The following ADAMTS8 variants were observed in gnomAD, a reference collection of about 807,000 sequenced individuals.
ADAMTS8 encodes the protein A disintegrin and metalloproteinase with thrombospondin motifs 8.
ADAMTS8 carries 50 observed loss-of-function variants against 64.4 expected under a neutral mutation model. That is an observed-to-expected ratio of 0.78 (90% CI 0.62 to 0.98). ADAMTS8 has a LOEUF of 0.98. ADAMTS8 is among the 50% of genes least tolerant of loss of function. ADAMTS8 has a pLI of 0.00. For synonymous variants in ADAMTS8, 556 were observed against 533.6 expected (o/e 1.04, Z -0.58); for missense variants, 1,192 against 1,208.2 (o/e 0.99, Z 0.20).
chr11:130,425,891 G>A (rs568839808), intron 1 of ADAMTS8, among the ~76,000 whole-genome samples: 14 of 152,208 alleles, frequency 9.2e-5, no homozygotes, highest in Admixed American at 2.0e-4. Context: ...TTGAGCCACC[G>A]TGCCCGGCCA....
rs925584482 is a variant in ADAMTS8 at position 130,425,607 on chromosome 11, T to C, written c.720+1960A>G. ...TTTTTTGTGTTTTTCTTTTTTCTTT[T>C]TTTTTTTTTTTAAGATGGAGTCTTG... On this transcript the variant is annotated intron_variant, in intron 1 of 8. Coordinates refer to ENST00000257359, the MANE Select transcript of ADAMTS8 (RefSeq NM_007037.6). 9.3e-5 allele frequency among the ~76,000 whole-genome samples: 14 copies of C among 151,008 alleles called. No homozygotes were observed. The East Asian group carries it at 1.4e-3, about 15-fold the overall frequency.
intron 2 of ADAMTS8, among the ~76,000 whole-genome samples, chr11:130,418,112 C>G (rs1359792760): frequency 1.3e-5 from 2 of 151,632 alleles, no homozygotes; most frequent in Non-Finnish European, 2.9e-5. Flanking sequence ...ACCTAGCAGG[C>G]AGAGGCTGCA....
chr11:130,420,620 C>T (rs1862087336), intron 1 of ADAMTS8, among the ~76,000 whole-genome samples: 1 of 152,074 alleles, frequency 6.6e-6, no homozygotes, highest in Non-Finnish European at 1.5e-5. Flanking sequence ...TCGGGTGAGG[C>T]CATGTGTGGG....
chr11:130,422,116 G>A (rs1045305916), intron 1 of ADAMTS8, among the ~76,000 whole-genome samples: 6 of 152,100 alleles, frequency 3.9e-5, no homozygotes, highest in Non-Finnish European at 7.4e-5. Flanking sequence ...GAGTCTGCTC[G>A]TGCATGAGTG....
intron 8 of ADAMTS8, among the ~76,000 whole-genome samples, chr11:130,407,032 T>C (rs1173153753): frequency 2.0e-5 from 3 of 152,138 alleles, no homozygotes; most frequent in African/African-American, 4.8e-5. Flanking sequence ...ATCTGAATAG[T>C]GTCTGCTTCT....
intron 1 of ADAMTS8, 31 bp downstream of exon 1, chr11:130,427,536 C>T: frequency 6.6e-7 from 1 of 1,518,646 alleles, no homozygotes; most frequent in Non-Finnish European, 8.8e-7. Flanking sequence ...GGCCTCCGGG[C>T]ACGGCGGCTG....
chr11:130,418,969 G>A, intron 2 of ADAMTS8, 84 bp downstream of exon 2: 3 of 1,586,244 alleles, frequency 1.9e-6, no homozygotes, highest in Non-Finnish European at 2.6e-6. Context: ...CGTTTCCCAT[G>A]TTTGGGCAGG....
At position 130,419,097 on chromosome 11, in the gene ADAMTS8, G is replaced by C; in HGVS notation, c.916C>G (p.Arg306Gly). Reference sequence around the variant, plus strand: ...GCCGTGTCGTAGTGCTCTGGGTGGCGGTCGCTGGGCTGGTTGAAACGCCGC... The same window carrying C: ...GCCGTGTCGTAGTGCTCTGGGTGGCCGTCGCTGGGCTGGTTGAAACGCCGC... Reference protein sequence around the residue: ...WQRRFNQPSDRHPEHYDTAIL... With the variant: ...WQRRFNQPSDGHPEHYDTAIL... The change falls in exon 2 of 9, where the codon CGC (arginine) becomes GGC (glycine). Residue 306 changes from arginine (R) to glycine (G), a missense_variant. By Grantham distance (125) the Arg-to-Gly change is moderately radical (BLOSUM62 -2). This residue lies in a region of ADAMTS8 where 741 missense variants were observed against 710.6 expected (regional missense o/e 1.04). Coordinates refer to ENST00000257359, the MANE Select transcript of ADAMTS8 (RefSeq NM_007037.6). The C allele has an allele frequency of 1.2e-6, 2 of 1,614,154 alleles. No individual in the cohort carries two copies. The highest frequency in any genetic ancestry group is 1.7e-6 in the Non-Finnish European group (2 of 1,180,042).
At chr11:130,407,079 G>A (rs923342824) in intron 8 of ADAMTS8, among the ~76,000 whole-genome samples, 1 of 152,178 alleles carries the variant, frequency 6.6e-6, no homozygotes, top group African/African-American at 2.4e-5. Flanking sequence ...TGTAAAAAGA[G>A]TTCCAAGGCA....
In ADAMTS8 at chr11:130,416,672, G is replaced by C. The variant is rs1159800107; in HGVS notation, c.1096+268C>G. On this transcript the variant is annotated intron_variant, in intron 3 of 8. Coordinates refer to ENST00000257359, the MANE Select transcript of ADAMTS8 (RefSeq NM_007037.6). The surrounding 1 kb of genome is among the most constrained non-coding windows in gnomAD (Gnocchi z 4.8). ...ACGCCTCCACCCCAGCACGTGTCTG[G>C]TGTCCTGTGTCCTGGCATTTGCCCG... Among the ~76,000 whole-genome samples, 1 of 152,194 alleles carries C rather than the reference G, an allele frequency of 6.6e-6. No homozygotes were observed. Among genetic ancestry groups the C allele is most frequent in the Admixed American group, 6.5e-5 (1 of 15,282 alleles).
chr11:130,416,991 C>T lies in ADAMTS8; in HGVS notation c.1045G>A (p.Val349Met), dbSNP rs371018503. 4.8e-5 allele frequency: 78 copies of T among 1,613,982 alleles called. No homozygotes were observed. Among genetic ancestry groups the T allele is most frequent in the Admixed American group, 1.0e-4 (6 of 60,008 alleles). Residue 349 changes from valine to methionine, a missense_variant, in exon 3 of 9, where the codon GTG becomes ATG. Physicochemically the swap from Val to Met is conservative, Grantham distance 21. Transcript: ENST00000257359. The surrounding 1 kb of genome is among the most constrained non-coding windows in gnomAD (Gnocchi z 4.8). ...TICDPNKSCS[V>M]IEDEGLQAAH... ...GCCTGGAGCCCCTCATCCTCGATCACGGAGCAGCTTTTGTTGGGGTCACAA... is the reference window on the plus strand; with the variant it reads ...GCCTGGAGCCCCTCATCCTCGATCATGGAGCAGCTTTTGTTGGGGTCACAA...
chr11:130,411,439 G>A lies in ADAMTS8; in HGVS notation c.1728C>T (p.His576=). Residue 576 remains histidine, a synonymous_variant, in exon 6 of 9, where the codon CAC becomes CAT. Transcript: ENST00000257359. The surrounding 1 kb of genome is among the most constrained non-coding windows in gnomAD (Gnocchi z 4.2). ...LGRRAKYQSC[H]TEECPPDGKS... is the part of the protein sequence containing the mutation. ...TACCGTCAGGGGGGCATTCCTCCGTGTGGCATGACTGGTACTTGGCTCTCC... is the reference window on the plus strand; with the variant it reads ...TACCGTCAGGGGGGCATTCCTCCGTATGGCATGACTGGTACTTGGCTCTCC... The A allele has an allele frequency of 6.2e-7, 1 of 1,614,130 alleles. No individual in the cohort carries two copies.
Position 130,405,508 on chromosome 11 carries a change from C to T in ADAMTS8, c.*50G>A, listed in dbSNP as rs767700477. The T allele has an allele frequency of 6.5e-7, 1 of 1,543,888 alleles. No individual in the cohort carries two copies. Among genetic ancestry groups the T allele is most frequent in the African/African-American group, 1.4e-5 (1 of 73,220 alleles). The stretch of plus-strand genomic sequence containing the variant: ...ACCACAGTGGAGACCCTTGTCTGCA[C>T]CTCAGTACCGCATGTCCAGGAGCAC... On this transcript the variant is annotated 3_prime_UTR_variant, in exon 9 of 9. Transcript: ENST00000257359.
At chr11:130,406,593 A>G (rs564165982) in intron 8 of ADAMTS8, among the ~76,000 whole-genome samples, 11 of 151,110 alleles carry the variant, frequency 7.3e-5, no homozygotes, top group South Asian at 4.2e-4. Context: ...GAACGTGAAC[A>G]GGAGGGAAAT....
In ADAMTS8 at chr11:130,411,323, C is replaced by T. The variant is rs1433054460; in HGVS notation, c.1750+94G>A. 3.4e-6 allele frequency: 5 copies of T among 1,463,434 alleles called. No homozygotes were observed. Among genetic ancestry groups the T allele is most frequent in the African/African-American group, 1.4e-5 (1 of 71,406 alleles). The allele number at this position is 1,463,434 out of a possible 1,614,324, so 90.7% of individuals were successfully genotyped here. A position where few individuals can be genotyped will look rare whatever the true frequency, so the allele number is the denominator to read the frequency against. On this transcript the variant is annotated intron_variant, in intron 6 of 8. Transcript: ENST00000257359. The surrounding 1 kb of genome is among the most constrained non-coding windows in gnomAD (Gnocchi z 4.2). ...CTGGGAGTAACTCTATATCCCGGGA[C>T]ACCCACTTCACTCCCACTTTACACA...
chr11:130,414,672 A>C lies in ADAMTS8; in HGVS notation c.1425T>G (p.Leu475=). The part of the protein sequence containing the change: ...NTSAQDVCAQ[L]WCHTDGAEPL... ...GCTCAGCCCCATCAGTGTGGCACCA[A>C]AGCTGGGCGCAGACGTCCTGAGCAG... The change falls in exon 5 of 9, where the codon CTT becomes CTG. Residue 475 remains leucine (L), a synonymous_variant. Coordinates refer to ENST00000257359, the MANE Select transcript of ADAMTS8 (RefSeq NM_007037.6). The C allele has an allele frequency of 1.2e-6, 2 of 1,613,770 alleles. No homozygotes were observed. Among genetic ancestry groups the C allele is most frequent in the South Asian group, 1.1e-5 (1 of 91,082 alleles).
chr11:130,417,537 G>A (rs578031177), intron 2 of ADAMTS8, among the ~76,000 whole-genome samples: 4 of 152,140 alleles, frequency 2.6e-5, no homozygotes, highest in Non-Finnish European at 4.4e-5. Context: ...GATTACAGCC[G>A]TGAGCCACCG....
chr11:130,408,831 C>A lies in ADAMTS8; in HGVS notation c.1860G>T (p.Arg620=), dbSNP rs369450590. Residue 620 remains arginine (R), a synonymous_variant, in exon 7 of 9, where the codon CGG becomes CGT. Transcript: ENST00000257359. ...WVPKYAGVSP[R]DRCKLFCRAR... Reference sequence around the variant, plus strand: ...CTCGGCAGAACAACTTGCAGCGGTCCCGGGGGGACACCCCAGCATACTTGG... The same window carrying A: ...CTCGGCAGAACAACTTGCAGCGGTCACGGGGGGACACCCCAGCATACTTGG... 78 of 1,613,848 alleles carry A rather than the reference C, an allele frequency of 4.8e-5. No individual in the cohort carries two copies. The highest frequency in any genetic ancestry group is 6.4e-5 in the Non-Finnish European group (76 of 1,179,984).
intron 1 of ADAMTS8, among the ~76,000 whole-genome samples, chr11:130,425,537 G>A (rs1862152610): frequency 7.2e-5 from 11 of 151,992 alleles, no homozygotes; most frequent in Admixed American, 5.2e-4. Context: ...GAGGGGTGTA[G>A]CACCCCGCTC....
Sources: allele counts gnomAD v4.1 joint callset (sites outside exome capture counted in the v4.1 genomes callset), GRCh38; gene constraint gnomAD v4.1.1; regional missense constraint gnomAD v4.1.1; non-coding constraint Gnocchi (gnomAD v3.1); transcripts MANE v1.5; gene names NCBI Gene and HGNC (gene_info 2026-07-23, HGNC 2026-07-21).